Variants in KDM4C observed in about 807,000 individuals in gnomAD.
KDM4C encodes lysine-specific demethylase 4C.
KDM4C carries 81 observed loss-of-function variants against 129.3 expected under a neutral mutation model. The ratio of observed to expected loss-of-function variants is 0.63; its 90% CI spans 0.52 to 0.75. The LOEUF (loss-of-function observed/expected upper bound fraction) is 0.75, where lower values mean the gene tolerates loss of function less well. KDM4C is among the 30% of genes least tolerant of loss of function. The pLI, the probability that KDM4C is intolerant of heterozygous loss-of-function variation, is 0.00. For synonymous variants in KDM4C, 573 were observed against 456.1 expected, an observed-to-expected ratio of 1.26 and a Z score of -3.26; for missense variants, 1,457 against 1,304.0, an observed-to-expected ratio of 1.12 and a Z score of -1.81.
intron 19 of KDM4C, among the ~76,000 whole-genome samples, chr9:7,131,905 G>A (rs1260823087): frequency 6.6e-6 from 1 of 152,186 alleles, no homozygotes; most frequent in Non-Finnish European, 1.5e-5. Flanking sequence ...ATGAGCAACT[G>A]GTGGTAGAAA....
chr9:6,997,372 A>C (rs1350975841), intron 12 of KDM4C, among the ~76,000 whole-genome samples: 8 of 152,220 alleles, frequency 5.3e-5, no homozygotes, highest in Non-Finnish European at 1.2e-4. Context: ...GAGAAAAAGA[A>C]AAAGTGGAAA....
chr9:7,005,555 A>C (rs2132077698), intron 12 of KDM4C, among the ~76,000 whole-genome samples: 1 of 151,496 alleles, frequency 6.6e-6, no homozygotes, highest in South Asian at 2.1e-4. Context: ...GCCTTCAGCC[A>C]GATTTATTAC....
intron 17 of KDM4C, among the ~76,000 whole-genome samples, chr9:7,081,320 G>T (rs1314692811): frequency 6.6e-6 from 1 of 152,192 alleles, no homozygotes; most frequent in East Asian, 1.9e-4. Flanking sequence ...GGTGCCTAAA[G>T]CGCTAAGGGA....
chr9:7,118,771 C>T lies in KDM4C; in HGVS notation c.2611-9295C>T, dbSNP rs192433537. On this transcript the variant is annotated intron_variant, in intron 18 of 21. Transcript: ENST00000381309. ...ACATACATTATTGCATTTGGATTTA[C>T]GCCCTTTATTAACATCATATGTAGA... Among the ~76,000 whole-genome samples, 11 of 152,230 alleles carry T rather than the reference C, an allele frequency of 7.2e-5. No individual in the cohort carries two copies. The South Asian group carries it at 8.3e-4, about 11-fold the overall frequency.
At chr9:6,744,857 G>A (rs143609033) in intron 1 of KDM4C, among the ~76,000 whole-genome samples, 2,003 of 152,200 alleles carry the variant, frequency 0.013, 29 homozygotes, top group Non-Finnish European at 0.021. Context: ...GCAAGGTGGG[G>A]GGTGGGGAGA....
intron 8 of KDM4C, among the ~76,000 whole-genome samples, chr9:6,937,108 A>C (rs1824948382): frequency 6.6e-6 from 1 of 152,346 alleles, no homozygotes; most frequent in African/African-American, 2.4e-5. Flanking sequence ...TCAATCAGAA[A>C]GACTAAAACA....
At chr9:7,129,463 T>C (rs929936112) in intron 19 of KDM4C, among the ~76,000 whole-genome samples, 2 of 152,244 alleles carry the variant, frequency 1.3e-5, no homozygotes, top group African/African-American at 4.8e-5. Flanking sequence ...TTCCCTTTAC[T>C]GCATTGCCAC....
chr9:6,921,109 T>C (rs1358028117), intron 8 of KDM4C, among the ~76,000 whole-genome samples: 4 of 152,176 alleles, frequency 2.6e-5, no homozygotes, highest in Admixed American at 2.0e-4. Context: ...GTTTTGTTGG[T>C]TCCTTTTTCT....
intron 8 of KDM4C, among the ~76,000 whole-genome samples, chr9:6,965,047 T>A (rs879312543): frequency 6.6e-6 from 1 of 152,100 alleles, no homozygotes; most frequent in Admixed American, 6.5e-5. Flanking sequence ...AACTTCTCTT[T>A]CTTGAATGCG....
At chr9:6,878,942 C>T (rs568388638) in intron 5 of KDM4C, among the ~76,000 whole-genome samples, 1 of 152,300 alleles carries the variant, frequency 6.6e-6, no homozygotes, top group South Asian at 2.1e-4. Flanking sequence ...ATTTTGTCTT[C>T]CCATTTCGGT....
chr9:6,788,702 G>A (rs1825948167), intron 1 of KDM4C, among the ~76,000 whole-genome samples: 2 of 152,126 alleles, frequency 1.3e-5, no homozygotes, highest in South Asian at 2.1e-4. Context: ...GTGGCGAGCC[G>A]GCATTTCCCT....
At chr9:7,015,367 G>A (rs925809720) in intron 14 of KDM4C, among the ~76,000 whole-genome samples, 1 of 152,030 alleles carries the variant, frequency 6.6e-6, no homozygotes, top group African/African-American at 2.4e-5. Flanking sequence ...GTTATTTTGG[G>A]TCAGGCGTGA....
chr9:7,115,629 A>T (rs1254320635), intron 18 of KDM4C, among the ~76,000 whole-genome samples: 1 of 152,222 alleles, frequency 6.6e-6, no homozygotes, highest in Admixed American at 6.5e-5. Flanking sequence ...TATTTTTAAG[A>T]CTATTAACTG....
At chr9:6,833,320 T>A (rs1031474424) in intron 4 of KDM4C, among the ~76,000 whole-genome samples, 1 of 150,808 alleles carries the variant, frequency 6.6e-6, no homozygotes, top group Non-Finnish European at 1.5e-5. Flanking sequence ...AAAAACATCT[T>A]CTTGACAGGG....
intron 8 of KDM4C, among the ~76,000 whole-genome samples, chr9:6,920,362 G>A (rs1048995835): frequency 3.3e-5 from 5 of 152,128 alleles, no homozygotes; most frequent in African/African-American, 9.7e-5. Flanking sequence ...GAAGGTTCAA[G>A]ACCAGCCTGG....
At chr9:7,171,291 A>T (rs770912804) in intron 21 of KDM4C, among the ~76,000 whole-genome samples, 12 of 152,194 alleles carry the variant, frequency 7.9e-5, no homozygotes, top group Non-Finnish European at 4.4e-5. Flanking sequence ...GCAAAGAAAA[A>T]ATTAAATATT....
intron 15 of KDM4C, among the ~76,000 whole-genome samples, chr9:7,022,860 A>T (rs1273421816): frequency 6.6e-6 from 1 of 152,034 alleles, no homozygotes; most frequent in Non-Finnish European, 1.5e-5. Context: ...TCATGAAGGG[A>T]TGTTGGACTT....
At chr9:7,101,846 T>C (rs1056752086) in intron 17 of KDM4C, among the ~76,000 whole-genome samples, 86 of 152,294 alleles carry the variant, frequency 5.6e-4, no homozygotes, top group Non-Finnish European at 9.4e-4. Flanking sequence ...ATTCAAACAC[T>C]GACCTCTATG....
rs934679766 is a variant in KDM4C at position 6,758,052 on chromosome 9, G to C, written c.-169G>C. On this transcript the variant is annotated 5_prime_UTR_variant, in exon 1 of 22. Coordinates refer to ENST00000381309, the MANE Select transcript of KDM4C (RefSeq NM_015061.6). The surrounding 1 kb of genome is among the most constrained non-coding windows in gnomAD (Gnocchi z 4.6). ...GAGGGTGAGGCGCGGCGCAGTGATCGGGCGGCCGGGGTCCTGTGCGCGTGC... is the reference window on the plus strand; with the variant it reads ...GAGGGTGAGGCGCGGCGCAGTGATCCGGCGGCCGGGGTCCTGTGCGCGTGC... 5 of 985,352 alleles carry C rather than the reference G, an allele frequency of 5.1e-6. No homozygotes were observed. The highest frequency in any genetic ancestry group is 6.1e-5 in the Admixed American group (1 of 16,278). The allele number at this position is 985,352 out of a possible 1,614,324, so 61.0% of individuals were successfully genotyped here.
Sources: allele counts gnomAD v4.1 joint callset (sites outside exome capture counted in the v4.1 genomes callset), GRCh38; gene constraint gnomAD v4.1.1; non-coding constraint Gnocchi (gnomAD v3.1); transcripts MANE v1.5; gene names NCBI Gene and HGNC (gene_info 2026-07-23, HGNC 2026-07-21).